DYNC1H1: variants seen among roughly 807,000 people sequenced by gnomAD.
DYNC1H1 encodes the protein dynein cytoplasmic 1 heavy chain 1, also known as cytoplasmic dynein 1 heavy chain 1.
In DYNC1H1, 51 loss-of-function variants were observed where a neutral mutation model predicts 527.1. The observed-to-expected ratio is 0.10, with a 90% CI of 0.08 to 0.12. The LOEUF (loss-of-function observed/expected upper bound fraction) is 0.12, where lower values mean the gene tolerates loss of function less well. DYNC1H1 is among the 10% of genes least tolerant of loss of function. The pLI is 1.00. For missense variants in DYNC1H1, 2,771 were observed against 5,971.8 expected (o/e 0.46, Z 17.66); for synonymous variants, 2,189 against 2,278.8 (o/e 0.96, Z 1.12).
intron 72 of DYNC1H1, chr14:102,045,174 G>C (rs1342514243): frequency 4.5e-6 from 1 of 222,722 alleles, no homozygotes; most frequent in East Asian, 1.1e-4. Flanking sequence ...ATGGTGGCAG[G>C]CACCTGTAAT....
chr14:102,031,061 C>T (rs145244974), intron 51 of DYNC1H1, among the ~76,000 whole-genome samples: 221 of 152,218 alleles, frequency 1.5e-3, no homozygotes, highest in African/African-American at 5.1e-3. Flanking sequence ...TAGTTTTTAC[C>T]TTATACAACA....
At chr14:102,046,219 T>TATCA (rs1171656420) in intron 72 of DYNC1H1, among the ~76,000 whole-genome samples, 1 of 151,232 alleles carries the variant, frequency 6.6e-6, no homozygotes, top group Admixed American at 6.6e-5. Flanking sequence ...AGGCGCACTC[T>TATCA]ATCAGGACAG....
intron 77 of DYNC1H1, 85 bp downstream of exon 77, chr14:102,050,283 TTC>T: frequency 6.2e-7 from 1 of 1,612,234 alleles, no homozygotes; most frequent in South Asian, 1.1e-5. Context: ...TATGCCTGGG[TTC>T]CACTTGGAAC....
chr14:102,019,818 C>T, intron 41 of DYNC1H1, 75 bp from the exon 42 acceptor site: 1 of 1,588,258 alleles, frequency 6.3e-7, no homozygotes, highest in Non-Finnish European at 8.6e-7. Flanking sequence ...CATGTTTTGC[C>T]ACATTTTACC....
chr14:102,030,128 C>T (rs745694286), intron 50 of DYNC1H1, 34 bp from the exon 51 acceptor site: 3 of 1,613,884 alleles, frequency 1.9e-6, no homozygotes, highest in Admixed American at 1.7e-5. Context: ...TTAACCAATG[C>T]TTAACCCATA....
Position 101,964,603 on chromosome 14 carries a change from T to C in DYNC1H1, c.-89T>C, listed in dbSNP as rs1473948751. 1.3e-6 allele frequency: 2 copies of C among 1,530,134 alleles called. No individual in the cohort carries two copies. Among genetic ancestry groups the C allele is most frequent in the South Asian group, 1.2e-5 (1 of 83,610 alleles). 94.8% of individuals were successfully genotyped at this position (1,530,134 alleles called of 1,614,324 possible). A position where few individuals can be genotyped will look rare whatever the true frequency, so the allele number is the denominator to read the frequency against. On this transcript the variant is annotated 5_prime_UTR_variant, in exon 1 of 78. Coordinates refer to ENST00000360184, the MANE Select transcript of DYNC1H1 (RefSeq NM_001376.5). The surrounding 1 kb of genome is among the most constrained non-coding windows in gnomAD (Gnocchi z 5.5). ...GCGGTGGGCTAGCGGACGGTCCGGC[T>C]TCCGGCGGCCGTTTCTGTCTCTTGC... is the stretch of plus-strand genomic sequence containing the variant.
chr14:102,039,285 G>A lies in DYNC1H1; in HGVS notation c.11460+31G>A, dbSNP rs766436788. Reference sequence around the variant, plus strand: ...TGCCTTGGCCATGCAGAGACTGGCGGGCCCCGCACAGTAGCTCCTTGGCCG... The same window carrying A: ...TGCCTTGGCCATGCAGAGACTGGCGAGCCCCGCACAGTAGCTCCTTGGCCG... On this transcript the variant is annotated intron_variant, in intron 60 of 77. Transcript: ENST00000360184. This position sits in a 1 kb window ranked among gnomAD's most constrained non-coding sequence, Gnocchi z 7.0. 1 of 1,611,890 alleles carries A rather than the reference G, an allele frequency of 6.2e-7. No individual in the cohort carries two copies. The highest frequency in any genetic ancestry group is 1.1e-5 in the South Asian group (1 of 90,966).
chr14:102,038,424 G>A lies in DYNC1H1; in HGVS notation c.10909-36G>A. On this transcript the variant is annotated intron_variant, in intron 57 of 77. Coordinates refer to ENST00000360184, the MANE Select transcript of DYNC1H1 (RefSeq NM_001376.5). This position sits in a 1 kb window ranked among gnomAD's most constrained non-coding sequence, Gnocchi z 7.2. ...ATTTGGGTGAAGATAAAGTTACAAA[G>A]CCCTGACCATCAAGTTCCACCCGTG... is the stretch of plus-strand genomic sequence containing the variant. 6.2e-7 allele frequency: 1 copy of A among 1,612,482 alleles called. No homozygotes were observed.
intron 72 of DYNC1H1, chr14:102,045,036 C>T (rs1357995477): frequency 5.4e-6 from 2 of 367,402 alleles, no homozygotes; most frequent in Non-Finnish European, 1.0e-5. Context: ...GGCACACTGG[C>T]TCACACCTAT....
chr14:102,045,024 T>G (rs2048699028), intron 72 of DYNC1H1: 1 of 380,672 alleles, frequency 2.6e-6, no homozygotes, highest in Admixed American at 3.7e-5. Flanking sequence ...AGTTACTGGC[T>G]GGGCACACTG....
intron 1 of DYNC1H1, among the ~76,000 whole-genome samples, chr14:101,968,367 T>C (rs2047692234): frequency 6.6e-6 from 1 of 151,962 alleles, no homozygotes; most frequent in South Asian, 2.1e-4. Context: ...TCATGGCTCA[T>C]TGCCACCTCG....
At position 101,979,380 on chromosome 14, in the gene DYNC1H1, C is replaced by T. The variant is rs772700375; in HGVS notation, c.406C>T (p.Arg136Trp). ...AGATAAACCCGTGTCTTCTCAGCTCCGGGTCCTTACACTCAGTGAAGACTC... is the reference window on the plus strand; with the variant it reads ...AGATAAACCCGTGTCTTCTCAGCTCTGGGTCCTTACACTCAGTGAAGACTC... ...DADKPVSSQL[R>W]VLTLSEDSPY... The change falls in exon 3 of 78, where the codon CGG (arginine) becomes TGG (tryptophan). Residue 136 changes from arginine to tryptophan, a missense_variant. Transcript: ENST00000360184. This position sits in a 1 kb window ranked among gnomAD's most constrained non-coding sequence, Gnocchi z 4.6. 8 of 1,614,146 alleles carry T rather than the reference C, an allele frequency of 5.0e-6. No individual in the cohort carries two copies. Among genetic ancestry groups the T allele is most frequent in the Admixed American group, 1.7e-5 (1 of 60,024 alleles).
chr14:101,986,415 A>T lies in DYNC1H1; in HGVS notation c.2190A>T (p.Gly730=). 1 of 1,614,096 alleles carries T rather than the reference A, an allele frequency of 6.2e-7. No individual in the cohort carries two copies. The highest frequency in any genetic ancestry group is 2.2e-5 in the East Asian group (1 of 44,876). ...GTACTCGGGTTCGGGGCCGAACTGGAAATGTGCTTAAGCTGAAAGTTAACT... is the reference window on the plus strand; with the variant it reads ...GTACTCGGGTTCGGGGCCGAACTGGTAATGTGCTTAAGCTGAAAGTTAACT... ...IESTRVRGRT[G]NVLKLKVNFL... Residue 730 remains glycine, a synonymous_variant, in exon 8 of 78, where the codon GGA becomes GGT. Transcript: ENST00000360184. This position sits in a 1 kb window ranked among gnomAD's most constrained non-coding sequence, Gnocchi z 8.7.
At chr14:102,008,085 A>G in intron 28 of DYNC1H1, 93 bp from the exon 29 acceptor site, 1 of 1,568,724 alleles carries the variant, frequency 6.4e-7, no homozygotes. Context: ...CACTAGGGTT[A>G]GGGCATCAAC....
Position 102,004,782 on chromosome 14 carries a change from G to A in DYNC1H1, c.5070G>A (p.Val1690=), listed in dbSNP as rs2048177895. 1 of 1,614,016 alleles carries A rather than the reference G, an allele frequency of 6.2e-7. No individual in the cohort carries two copies. Among genetic ancestry groups the A allele is most frequent in the African/African-American group, 1.3e-5 (1 of 74,908 alleles). Reference sequence around the variant, plus strand: ...TTCAGGTTATGTTTAAAACTCCTGTGTCAATTACTGAACATCCCAAAATCA... The same window carrying A: ...TTCAGGTTATGTTTAAAACTCCTGTATCAATTACTGAACATCCCAAAATCA... ...EGEEVMFKTP[V]SITEHPKINE... The change falls in exon 25 of 78, where the codon GTG becomes GTA. Residue 1690 remains valine, a synonymous_variant. Coordinates refer to ENST00000360184, the MANE Select transcript of DYNC1H1 (RefSeq NM_001376.5).
At chr14:101,988,916 A>G in intron 10 of DYNC1H1, 64 bp downstream of exon 10, 1 of 1,601,634 alleles carries the variant, frequency 6.2e-7, no homozygotes, top group Non-Finnish European at 8.5e-7. Flanking sequence ...TCGTTAAAAA[A>G]CACCTATGGA....
rs944919588 is a variant in DYNC1H1, at chr14:102,008,439, C to G, written c.5977+102C>G. 28 of 1,433,288 alleles carry G rather than the reference C, an allele frequency of 2.0e-5. No homozygotes were observed. In the African/African-American group the frequency reaches 3.8e-4, roughly 19 times the overall value. 88.8% of individuals were successfully genotyped at this position (1,433,288 alleles called of 1,614,324 possible). ...GGATTAGAAATAAGCAAGAATTTAG[C>G]TCACAGGAGCTCACTGTTACAGGCA... is the stretch of plus-strand genomic sequence containing the variant. On this transcript the variant is annotated intron_variant, in intron 29 of 77. Transcript: ENST00000360184.
chr14:102,020,746 G>A lies in DYNC1H1; in HGVS notation c.8507+690G>A, dbSNP rs2048375561. On this transcript the variant is annotated intron_variant, in intron 42 of 77. Coordinates refer to ENST00000360184, the MANE Select transcript of DYNC1H1 (RefSeq NM_001376.5). The surrounding 1 kb of genome is among the most constrained non-coding windows in gnomAD (Gnocchi z 4.3). ...GTTTGAATTGCAGTAAGATGACTTG[G>A]CAGATGGTTCCCTCCAGACTAAGAA... Among the ~76,000 whole-genome samples the A allele has an allele frequency of 1.3e-5, 2 of 152,344 alleles. No individual in the cohort carries two copies. Among genetic ancestry groups the A allele is most frequent in the Admixed American group, 1.3e-4 (2 of 15,308 alleles).
In DYNC1H1 at chr14:102,039,296, G is replaced by T; in HGVS notation, c.11460+42G>T. 6.2e-7 allele frequency: 1 copy of T among 1,611,284 alleles called. No homozygotes were observed. Among genetic ancestry groups the T allele is most frequent in the South Asian group, 1.1e-5 (1 of 90,932 alleles). On this transcript the variant is annotated intron_variant, in intron 60 of 77. Coordinates refer to ENST00000360184, the MANE Select transcript of DYNC1H1 (RefSeq NM_001376.5). The surrounding 1 kb of genome is among the most constrained non-coding windows in gnomAD (Gnocchi z 7.0). ...TGCAGAGACTGGCGGGCCCCGCACA[G>T]TAGCTCCTTGGCCGCACAGAGGCTG...
Sources: allele counts gnomAD v4.1 joint callset (sites outside exome capture counted in the v4.1 genomes callset), GRCh38; gene constraint gnomAD v4.1.1; non-coding constraint Gnocchi (gnomAD v3.1); transcripts MANE v1.5; gene names NCBI Gene and HGNC (gene_info 2026-07-23, HGNC 2026-07-21).